ATP6V1C2: variants seen among roughly 807,000 people sequenced by gnomAD.
ATP6V1C2 encodes the protein V-type proton ATPase subunit C 2.
Under a neutral mutation model 56.8 loss-of-function variants are expected in ATP6V1C2, and 45 were observed. The observed-to-expected ratio is 0.79, with a 90% CI of 0.62 to 1.02. The LOEUF is 1.02. Ranked by LOEUF, ATP6V1C2 falls within the 50% of genes least tolerant of loss-of-function variation. The pLI is 0.00. For missense variants in ATP6V1C2, 463 were observed against 519.7 expected, an observed-to-expected ratio of 0.89 and a Z score of 1.06; for synonymous variants, 220 against 201.3, an observed-to-expected ratio of 1.09 and a Z score of -0.79.
intron 5 of ATP6V1C2, among the ~76,000 whole-genome samples, chr2:10,767,693 G>C (rs994559160): frequency 6.6e-6 from 1 of 152,076 alleles, no homozygotes; most frequent in African/African-American, 2.4e-5. Context: ...CCTGACCTCA[G>C]GTGATCTGCC....
chr2:10,784,730 T>A lies in ATP6V1C2; in HGVS notation c.*1467T>A. 1.8e-6 allele frequency: 1 copy of A among 559,856 alleles called. No homozygotes were observed. The allele number at this position is 559,856 out of a possible 1,614,324, so 34.7% of individuals were successfully genotyped here. A position where few individuals can be genotyped will look rare whatever the true frequency, so the allele number is the denominator to read the frequency against. Reference sequence around the variant, plus strand: ...CCTTACTACTGAAATGTATCTTGGCTGTCAAGAGTATCAAATGCCATGCAG... The same window carrying A: ...CCTTACTACTGAAATGTATCTTGGCAGTCAAGAGTATCAAATGCCATGCAG... On this transcript the variant is annotated 3_prime_UTR_variant, in exon 14 of 14. Transcript: ENST00000272238.
Position 10,784,650 on chromosome 2 carries a change from A to G in ATP6V1C2, c.*1387A>G, listed in dbSNP as rs1268253122. 7 of 507,058 alleles carry G rather than the reference A, an allele frequency of 1.4e-5. No individual in the cohort carries two copies. The highest frequency in any genetic ancestry group is 3.7e-5 in the Admixed American group (1 of 26,780). The allele number at this position is 507,058 out of a possible 1,614,324, so 31.4% of individuals were successfully genotyped here. ...TATCATTTTCTATTTTTCTAAGATA[A>G]AGTAAATGAATTCCAGGTTAAATGT... is the stretch of plus-strand genomic sequence containing the variant. On this transcript the variant is annotated 3_prime_UTR_variant, in exon 14 of 14. Coordinates refer to ENST00000272238, the MANE Select transcript of ATP6V1C2 (RefSeq NM_001039362.2).
At chr2:10,738,865 G>T (rs975324725) in intron 3 of ATP6V1C2, among the ~76,000 whole-genome samples, 5 of 152,150 alleles carry the variant, frequency 3.3e-5, no homozygotes, top group Non-Finnish European at 5.9e-5. Flanking sequence ...CACAGGAGAC[G>T]CCAGTAAGGA....
chr2:10,766,823 G>A (rs772188787), intron 5 of ATP6V1C2, among the ~76,000 whole-genome samples: 10 of 152,026 alleles, frequency 6.6e-5, no homozygotes, highest in Non-Finnish European at 1.0e-4. Context: ...TACTTCTATC[G>A]TGCAGAAGAT....
Position 10,772,563 on chromosome 2 carries a change from A to G in ATP6V1C2, c.591A>G (p.Gln197=), listed in dbSNP as rs778971600. 4.3e-6 allele frequency: 7 copies of G among 1,614,004 alleles called. No individual in the cohort carries two copies. The Admixed American group carries it at 6.7e-5, about 15-fold the overall frequency. Residue 197 remains glutamine, a synonymous_variant, in exon 8 of 14, where the codon CAA becomes CAG. Coordinates refer to ENST00000272238, the MANE Select transcript of ATP6V1C2 (RefSeq NM_001039362.2). ...IVPKPNYSQW[Q]KTYESLSDMV... ...GCAGACCAAACTACTCACAATGGCA[A>G]AAAACCTACGAATCTCTCTCAGACA...
intron 8 of ATP6V1C2, among the ~76,000 whole-genome samples, chr2:10,774,495 G>A (rs1388759120): frequency 6.6e-6 from 1 of 152,246 alleles, no homozygotes; most frequent in Admixed American, 6.5e-5. Context: ...GGTGACGGAG[G>A]CCCAGGAGGG....
chr2:10,751,503 G>A (rs1243472430), intron 3 of ATP6V1C2, among the ~76,000 whole-genome samples: 1 of 152,148 alleles, frequency 6.6e-6, no homozygotes, highest in Non-Finnish European at 1.5e-5. Flanking sequence ...TAATCAGTAA[G>A]ACGCTATTAA....
At chr2:10,772,947 C>T (rs1664723866) in intron 8 of ATP6V1C2, among the ~76,000 whole-genome samples, 1 of 152,230 alleles carries the variant, frequency 6.6e-6, no homozygotes, top group Admixed American at 6.5e-5. Flanking sequence ...AGGGGGAAGC[C>T]AGCCCTGGCC....
chr2:10,769,058 C>T (rs1664414874), intron 6 of ATP6V1C2, among the ~76,000 whole-genome samples: 1 of 152,156 alleles, frequency 6.6e-6, no homozygotes. Flanking sequence ...CTCCTCACCG[C>T]ACGCTTCCAT....
chr2:10,729,083 T>C (rs1487385052), intron 3 of ATP6V1C2, among the ~76,000 whole-genome samples: 3 of 150,756 alleles, frequency 2.0e-5, no homozygotes, highest in Non-Finnish European at 4.4e-5. Flanking sequence ...TGAGCCAAGA[T>C]CGTGCCACTG....
chr2:10,739,873 G>A (rs1662450626), intron 3 of ATP6V1C2, among the ~76,000 whole-genome samples: 1 of 152,086 alleles, frequency 6.6e-6, no homozygotes, highest in Non-Finnish European at 1.5e-5. Flanking sequence ...GCCGAGGCGG[G>A]CGGATCACTT....
intron 3 of ATP6V1C2, among the ~76,000 whole-genome samples, chr2:10,732,078 G>T (rs1661979337): frequency 6.6e-6 from 1 of 152,056 alleles, no homozygotes; most frequent in South Asian, 2.1e-4. Flanking sequence ...TTCTGTCCTA[G>T]TGCAAGTCTT....
In ATP6V1C2 at chr2:10,752,385, C is replaced by T. The variant is rs1359569173; in HGVS notation, c.198-1596C>T. On this transcript the variant is annotated intron_variant, in intron 3 of 13. Coordinates refer to ENST00000272238, the MANE Select transcript of ATP6V1C2 (RefSeq NM_001039362.2). ...GAGTGGCTGGGGTGGCCAGCGTCTG[C>T]AGCAGTGGAAGACCTTGTACTCCAT... Among the ~76,000 whole-genome samples, 4 of 152,262 alleles carry T rather than the reference C, an allele frequency of 2.6e-5. No individual in the cohort carries two copies. The East Asian group carries it at 7.7e-4, about 29-fold the overall frequency.
chr2:10,759,468 G>A (rs542175680), intron 4 of ATP6V1C2, among the ~76,000 whole-genome samples: 32 of 152,194 alleles, frequency 2.1e-4, no homozygotes, highest in African/African-American at 5.8e-4. Flanking sequence ...TTTTGTTCTC[G>A]GACAAGACCA....
chr2:10,777,137 C>T (rs762288298), intron 10 of ATP6V1C2, among the ~76,000 whole-genome samples: 1 of 152,258 alleles, frequency 6.6e-6, no homozygotes, highest in Non-Finnish European at 1.5e-5. Context: ...TAACTGCATG[C>T]CCAACTCATC....
chr2:10,727,131 C>G (rs997142352), intron 3 of ATP6V1C2, among the ~76,000 whole-genome samples: 1 of 141,330 alleles, frequency 7.1e-6, no homozygotes, highest in Non-Finnish European at 1.5e-5. Flanking sequence ...GTACAATGGT[C>G]TGATCGTGGC....
rs114556732 is a variant in ATP6V1C2 at position 10,776,753 on chromosome 2, A to G, written c.826-832A>G. Among the ~76,000 whole-genome samples, 1,041 of 152,300 alleles carry G rather than the reference A, an allele frequency of 6.8e-3. 12 individuals are homozygous for G. Among genetic ancestry groups the G allele is most frequent in the African/African-American group, 0.022 (921 of 41,576 alleles). On this transcript the variant is annotated intron_variant, in intron 10 of 13. Coordinates refer to ENST00000272238, the MANE Select transcript of ATP6V1C2 (RefSeq NM_001039362.2). ...TTGGCACCCACCTGGGCACTGGCCC[A>G]GGCCTGCCAGACCCCCGGGGAACAG...
chr2:10,779,405 G>A (rs1665204262), intron 12 of ATP6V1C2, among the ~76,000 whole-genome samples: 3 of 121,798 alleles, frequency 2.5e-5, no homozygotes, highest in African/African-American at 3.0e-5. Flanking sequence ...CACCATGCCC[G>A]GCCTTTGCCT....
At chr2:10,773,372 G>T (rs1664753602) in intron 8 of ATP6V1C2, among the ~76,000 whole-genome samples, 1 of 152,164 alleles carries the variant, frequency 6.6e-6, no homozygotes, top group Admixed American at 6.5e-5. Context: ...TTGGGTGGCT[G>T]ATCCAAAGCT....
Sources: allele counts gnomAD v4.1 joint callset (sites outside exome capture counted in the v4.1 genomes callset), GRCh38; gene constraint gnomAD v4.1.1; transcripts MANE v1.5; gene names NCBI Gene and HGNC (gene_info 2026-07-23, HGNC 2026-07-21).